STX7: variants seen among roughly 807,000 people sequenced by gnomAD.
STX7 encodes the protein syntaxin 7.
A neutral mutation model predicts 39.6 loss-of-function variants in STX7; 34 were observed. The ratio of observed to expected loss-of-function variants is 0.86; its 90% confidence interval spans 0.65 to 1.14. The LOEUF is 1.14. STX7 is among the 50% of genes most tolerant of loss of function. The probability of loss-of-function intolerance (pLI) is 0.00; values close to 1 mark genes in which losing one functional copy is unlikely to be tolerated. For missense variants in STX7, 284 were observed against 310.4 expected (o/e 0.92, Z 0.64); for synonymous variants, 119 against 99.1 (o/e 1.20, Z -1.19).
At chr6:132,469,538 A>G (rs908583764) in intron 7 of STX7, among the ~76,000 whole-genome samples, 2 of 152,194 alleles carry the variant, frequency 1.3e-5, no homozygotes, top group African/African-American at 4.8e-5. Flanking sequence ...AAACTGATAC[A>G]TTAATTTTCT....
chr6:132,502,643 T>TA (rs2114472234), intron 2 of STX7, among the ~76,000 whole-genome samples: 2 of 152,278 alleles, frequency 1.3e-5, no homozygotes, highest in African/African-American at 4.8e-5. Context: ...CTCACGCCTG[T>TA]AATCCCAGCA....
chr6:132,471,404 T>C (rs1439509758), intron 5 of STX7, 59 bp downstream of exon 5: 3 of 1,547,126 alleles, frequency 1.9e-6, no homozygotes, highest in African/African-American at 1.4e-5. Context: ...CTATAGACTT[T>C]TATGGGACCC....
chr6:132,460,901 G>A, intron 9 of STX7, 51 bp from the exon 10 acceptor site: 1 of 1,488,410 alleles, frequency 6.7e-7, no homozygotes, highest in Non-Finnish European at 9.3e-7. Flanking sequence ...TACAGATTTA[G>A]TGGAGTACCT....
rs1018914609 is a variant in STX7, at chr6:132,453,730, G to A, written c.*7028C>T. ...AAATGGTAAATCAAAACTGCAATGA[G>A]CTGTCACTATACACTTATCAGAATG... On this transcript the variant is annotated 3_prime_UTR_variant, in exon 10 of 10. Transcript: ENST00000367941. 11 of 151,900 alleles carry A rather than the reference G, an allele frequency of 7.2e-5. No individual in the cohort carries two copies. Among genetic ancestry groups the A allele is most frequent in the African/African-American group, 2.2e-4 (9 of 41,388 alleles). 9.4% of individuals were successfully genotyped at this position (151,900 alleles called of 1,614,324 possible). A position where few individuals can be genotyped will look rare whatever the true frequency, so the allele number is the denominator to read the frequency against.
rs146299296 is a variant in STX7, at chr6:132,467,222, C to T, written c.610+1181G>A. ...CTGCACTTGGACATGATCTCCATCT[C>T]CTTCTTGCTCATTAAAAATGTCAGG... On this transcript the variant is annotated intron_variant, in intron 8 of 9. Transcript: ENST00000367941. 1.3e-3 allele frequency among the ~76,000 whole-genome samples: 194 copies of T among 152,326 alleles called. 1 individual carries two copies. Among genetic ancestry groups the T allele is most frequent in the Non-Finnish European group, 2.1e-3 (146 of 68,034 alleles).
intron 2 of STX7, among the ~76,000 whole-genome samples, chr6:132,488,063 C>A (rs1055498585): frequency 1.3e-5 from 2 of 152,182 alleles, no homozygotes; most frequent in Non-Finnish European, 2.9e-5. Context: ...TACCATCCAA[C>A]AAATTCTGAT....
Position 132,470,592 on chromosome 6 carries a change from T to C in STX7, c.422A>G (p.Asn141Ser), listed in dbSNP as rs1218785494. Residue 141 changes from asparagine (N) to serine (S), a missense_variant, in exon 6 of 10, where the codon AAT becomes AGT. Coordinates refer to ENST00000367941, the MANE Select transcript of STX7 (RefSeq NM_003569.3). ...TTCTTACCTTTCCCAGGATACAAGA[T>C]TCCTTTCTTTTGAGCTGTCCTCAGG... is the stretch of plus-strand genomic sequence containing the variant. ...SFPEDSSKER[N>S]LVSWESQTQP... is the part of the protein sequence containing the mutation. The C allele has an allele frequency of 6.2e-7, 1 of 1,607,636 alleles. No individual in the cohort carries two copies. Among genetic ancestry groups the C allele is most frequent in the African/African-American group, 1.3e-5 (1 of 74,810 alleles).
At chr6:132,482,071 A>G (rs1775027058) in intron 2 of STX7, among the ~76,000 whole-genome samples, 1 of 152,180 alleles carries the variant, frequency 6.6e-6, no homozygotes, top group Non-Finnish European at 1.5e-5. Context: ...GTTGACCCTC[A>G]ATGAATAGTT....
upstream of STX7, chr6:132,513,204 C>G (rs1180658463): frequency 1.3e-5 from 2 of 152,272 alleles, no homozygotes; most frequent in African/African-American, 4.8e-5. Context: ...CCCTCACCGC[C>G]CCTCCGGTTC....
chr6:132,476,584 A>T (rs192011344), intron 2 of STX7, among the ~76,000 whole-genome samples: 1 of 152,322 alleles, frequency 6.6e-6, no homozygotes, highest in African/African-American at 2.4e-5. Flanking sequence ...TCATAGGGAC[A>T]ACTGGAGAAA....
At chr6:132,497,279 A>G (rs920165345) in intron 2 of STX7, among the ~76,000 whole-genome samples, 2 of 152,180 alleles carry the variant, frequency 1.3e-5, no homozygotes, top group Admixed American at 1.3e-4. Context: ...GCATGGATGA[A>G]TCCCACAAAC....
At chr6:132,504,442 C>G (rs1775649048) in intron 1 of STX7, among the ~76,000 whole-genome samples, 1 of 152,164 alleles carries the variant, frequency 6.6e-6, no homozygotes, top group African/African-American at 2.4e-5. Context: ...CCACTCCAAT[C>G]AGGGTTTGGA....
intron 2 of STX7, among the ~76,000 whole-genome samples, chr6:132,488,857 C>T (rs1775206173): frequency 6.6e-6 from 1 of 151,926 alleles, no homozygotes; most frequent in Admixed American, 6.6e-5. Context: ...CCAATCTTTC[C>T]TCGTCTATCA....
intron 2 of STX7, among the ~76,000 whole-genome samples, chr6:132,498,084 CA>C (rs1775460514): frequency 6.6e-6 from 1 of 152,166 alleles, no homozygotes; most frequent in African/African-American, 2.4e-5. Context: ...AAAGATGGAG[CA>C]TGGGTGGCAC....
At chr6:132,503,996 A>T (rs895866766) in intron 1 of STX7, among the ~76,000 whole-genome samples, 28 of 152,228 alleles carry the variant, frequency 1.8e-4, no homozygotes, top group African/African-American at 6.3e-4. Context: ...TCTTAGCACA[A>T]ACAGGCATTT....
intron 8 of STX7, among the ~76,000 whole-genome samples, chr6:132,464,925 G>T (rs1195932028): frequency 6.6e-6 from 1 of 152,100 alleles, no homozygotes; most frequent in Non-Finnish European, 1.5e-5. Flanking sequence ...GAGACCCTTT[G>T]CCCTTGTCTC....
In STX7 at chr6:132,449,018, C is replaced by CTTT. The variant is rs1195881689; in HGVS notation, c.*11737_*11739dup. The CTTT allele has an allele frequency of 1.4e-5, 2 of 142,346 alleles. No homozygotes were observed. Among genetic ancestry groups the CTTT allele is most frequent in the Non-Finnish European group, 3.1e-5 (2 of 64,706 alleles). 8.8% of individuals were successfully genotyped at this position (142,346 alleles called of 1,614,324 possible). A position where few individuals can be genotyped will look rare whatever the true frequency, so the allele number is the denominator to read the frequency against. On this transcript the variant is annotated 3_prime_UTR_variant, in exon 10 of 10. Coordinates refer to ENST00000367941, the MANE Select transcript of STX7 (RefSeq NM_003569.3). ...TTTGCTTCTTGTATATGTGGATCCA[C>CTTT]TTTTTTTTTTTTTAGACAGGGTACA...
chr6:132,478,597 T>C (rs908951688), intron 2 of STX7, among the ~76,000 whole-genome samples: 2 of 152,004 alleles, frequency 1.3e-5, no homozygotes, highest in Non-Finnish European at 2.9e-5. Context: ...GAGCAGGGAG[T>C]GGACATGCCT....
rs1013606011 is a variant in STX7, at chr6:132,454,493, CA to C, written c.*6264del. On this transcript the variant is annotated 3_prime_UTR_variant, in exon 10 of 10. Coordinates refer to ENST00000367941, the MANE Select transcript of STX7 (RefSeq NM_003569.3). ...AAAGAGGTCTCTGTATTATTTCTTACAACAGCATGTGAATCTAGTTTCTCAA... is the reference window on the plus strand; with the variant it reads ...AAAGAGGTCTCTGTATTATTTCTTACACAGCATGTGAATCTAGTTTCTCAA... 6.6e-6 allele frequency: 1 copy of C among 152,154 alleles called. No individual in the cohort carries two copies. The highest frequency in any genetic ancestry group is 1.5e-5 in the Non-Finnish European group (1 of 68,008). The allele number at this position is 152,154 out of a possible 1,614,324, so 9.4% of individuals were successfully genotyped here.
Sources: allele counts gnomAD v4.1 joint callset (sites outside exome capture counted in the v4.1 genomes callset), GRCh38; gene constraint gnomAD v4.1.1; transcripts MANE v1.5; gene names NCBI Gene and HGNC (gene_info 2026-07-23, HGNC 2026-07-21).